DNMT1: variants seen among roughly 807,000 people sequenced by gnomAD.
DNMT1 encodes DNA methyltransferase 1, also known as DNA (cytosine-5)-methyltransferase 1.
In DNMT1, 24 loss-of-function variants were observed where a neutral mutation model predicts 205.3. That is an observed-to-expected ratio of 0.12 (90% CI 0.08 to 0.16). DNMT1 has a LOEUF of 0.16. Ranked by LOEUF, DNMT1 falls within the 10% of genes least tolerant of loss-of-function variation. The pLI is 1.00. For synonymous variants in DNMT1, 817 were observed against 839.8 expected (o/e 0.97, Z 0.47); for missense variants, 1,293 against 2,177.7 (o/e 0.59, Z 8.09).
rs1342978570 is a variant in DNMT1 at position 10,154,143 on chromosome 19, T to C, written c.2019+150A>G. The C allele has an allele frequency of 6.1e-6, 5 of 813,180 alleles. No individual in the cohort carries two copies. The highest frequency in any genetic ancestry group is 8.3e-6 in the Non-Finnish European group (4 of 482,390). 50.4% of individuals were successfully genotyped at this position (813,180 alleles called of 1,614,324 possible). ...TTGACGTTCAATGAAGTATGCAGGGTCCTCCCAGACCACTAACTAATTTCT... is the reference window on the plus strand; with the variant it reads ...TTGACGTTCAATGAAGTATGCAGGGCCCTCCCAGACCACTAACTAATTTCT... On this transcript the variant is annotated intron_variant, in intron 22 of 40. Transcript: ENST00000359526. The surrounding 1 kb of genome is among the most constrained non-coding windows in gnomAD (Gnocchi z 6.3).
intron 27 of DNMT1, among the ~76,000 whole-genome samples, chr19:10,148,086 A>G (rs1449324870): frequency 5.7e-5 from 8 of 141,148 alleles, no homozygotes; most frequent in Non-Finnish European, 1.1e-4. Flanking sequence ...ACTGCACTCC[A>G]GCCTGGGCAA....
chr19:10,149,915 C>T lies in DNMT1; in HGVS notation c.2319G>A (p.Leu773=), dbSNP rs1281929110. 2.5e-6 allele frequency: 4 copies of T among 1,614,194 alleles called. No homozygotes were observed. Among genetic ancestry groups the T allele is most frequent in the Non-Finnish European group, 3.4e-6 (4 of 1,180,036 alleles). ...TAACAGAGACACAGTCCCCCACTTC[C>T]AGGGTTTCCGCATCAATGCACACCT... The part of the protein sequence containing the change: ...YKKVCIDAET[L]EVGDCVSVIP... Residue 773 remains leucine (L), a synonymous_variant, in exon 25 of 41, where the codon CTG becomes CTA. Transcript: ENST00000359526.
Position 10,173,068 on chromosome 19 carries a change from CT to C in DNMT1, c.768+21del, listed in dbSNP as rs746530897. 6.2e-6 allele frequency: 10 copies of C among 1,613,918 alleles called. No individual in the cohort carries two copies. The South Asian group carries it at 1.1e-4, about 18-fold the overall frequency. On this transcript the variant is annotated intron_variant, in intron 9 of 40. Transcript: ENST00000359526. ...ATAGGATTAAGGGAGAATTAACAAA[CT>C]TAGAGGTGATAGAGCTTTACTTTTT...
Position 10,165,086 on chromosome 19 carries a change from C to T in DNMT1, c.891+1512G>A, listed in dbSNP as rs907287814. 5.3e-5 allele frequency among the ~76,000 whole-genome samples: 8 copies of T among 151,596 alleles called. No homozygotes were observed. In the South Asian group the frequency reaches 6.2e-4, roughly 12 times the overall value. On this transcript the variant is annotated intron_variant, in intron 11 of 40. Coordinates refer to ENST00000359526, the MANE Select transcript of DNMT1 (RefSeq NM_001130823.3). ...ACTGAGACCAGCCTGGGCAACATGG[C>T]AAAACCCTATCTCTACAAAAAATTA...
At chr19:10,164,466 A>G (rs1599377624) in intron 11 of DNMT1, among the ~76,000 whole-genome samples, 1 of 152,270 alleles carries the variant, frequency 6.6e-6, no homozygotes, top group Middle Eastern at 3.4e-3. Flanking sequence ...TTTAAAAAGT[A>G]GACATCCATG....
chr19:10,178,919 G>A (rs955697233), intron 5 of DNMT1, among the ~76,000 whole-genome samples: 2 of 151,736 alleles, frequency 1.3e-5, no homozygotes, highest in Non-Finnish European at 2.9e-5. Context: ...GAGGTCAGGA[G>A]ATCGAAATCA....
chr19:10,161,042 C>T (rs113103832), intron 13 of DNMT1, among the ~76,000 whole-genome samples: 12 of 152,054 alleles, frequency 7.9e-5, no homozygotes, highest in African/African-American at 2.4e-4. Context: ...CGCGATGGCT[C>T]ACGCCTGTAA....
intron 25 of DNMT1, 54 bp from the exon 26 acceptor site, chr19:10,149,711 G>A: frequency 6.2e-7 from 1 of 1,610,804 alleles, no homozygotes; most frequent in South Asian, 1.1e-5. Flanking sequence ...CAGCAGATAT[G>A]TGACCAAGTC....
At chr19:10,174,685 TGAAA>T (rs1568249636) in intron 7 of DNMT1, among the ~76,000 whole-genome samples, 1 of 150,162 alleles carries the variant, frequency 6.7e-6, no homozygotes, top group Non-Finnish European at 1.5e-5. Context: ...CCATCCTGAG[TGAAA>T]GAGTGAGACT....
intron 39 of DNMT1, 90 bp from the exon 40 acceptor site, chr19:10,134,397 G>T: frequency 8.2e-7 from 1 of 1,212,798 alleles, no homozygotes; most frequent in Non-Finnish European, 1.2e-6. Context: ...CTCAGATGGA[G>T]GACAACCTGG....
intron 38 of DNMT1, 99 bp downstream of exon 38, chr19:10,136,022 G>A (rs2145253104): frequency 1.3e-6 from 2 of 1,559,162 alleles, no homozygotes; most frequent in Non-Finnish European, 1.7e-6. Flanking sequence ...TGGGGTCCTG[G>A]GGTGCTGTCC....
At chr19:10,176,922 A>G (rs1568251441) in intron 6 of DNMT1, among the ~76,000 whole-genome samples, 1 of 152,188 alleles carries the variant, frequency 6.6e-6, no homozygotes, top group African/African-American at 2.4e-5. Context: ...AAAAGTTGTC[A>G]AAAGAGATCT....
At chr19:10,173,025 G>T (rs1190966303) in intron 9 of DNMT1, 65 bp downstream of exon 9, 2 of 1,589,092 alleles carry the variant, frequency 1.3e-6, no homozygotes, top group Admixed American at 3.3e-5. Flanking sequence ...CCACGTCCTG[G>T]AAGGAAATTG....
At chr19:10,190,675 G>C (rs1191563072) in intron 1 of DNMT1, among the ~76,000 whole-genome samples, 2 of 151,980 alleles carry the variant, frequency 1.3e-5, no homozygotes, top group Non-Finnish European at 2.9e-5. Context: ...TAAGGCAGGA[G>C]AATCACTTGA....
At chr19:10,194,601 C>G (rs1599416421) in intron 1 of DNMT1, 2 of 539,186 alleles carry the variant, frequency 3.7e-6, no homozygotes, top group Non-Finnish European at 6.4e-6. Flanking sequence ...CACCAGGGAG[C>G]TACGGGGGAA....
intron 8 of DNMT1, 121 bp from the exon 9 acceptor site, chr19:10,173,295 G>A: frequency 3.3e-6 from 3 of 913,174 alleles, no homozygotes; most frequent in African/African-American, 3.3e-5. Context: ...AGCCCTGACA[G>A]ACACATACTC....
chr19:10,156,611 T>C lies in DNMT1; in HGVS notation c.1281-102A>G, dbSNP rs905307309. On this transcript the variant is annotated intron_variant, in intron 17 of 40. Coordinates refer to ENST00000359526, the MANE Select transcript of DNMT1 (RefSeq NM_001130823.3). The surrounding 1 kb of genome is among the most constrained non-coding windows in gnomAD (Gnocchi z 4.2). ...GAGGCAATGAGAGAATGTACAAGTC[T>C]GACACTCTTTTTTTGTTTGTTTTTG... 5 of 843,956 alleles carry C rather than the reference T, an allele frequency of 5.9e-6. No homozygotes were observed. The highest frequency in any genetic ancestry group is 1.0e-5 in the Non-Finnish European group (5 of 493,184). The allele number at this position is 843,956 out of a possible 1,614,324, so 52.3% of individuals were successfully genotyped here.
In DNMT1 at chr19:10,151,275, AACAG is replaced by A; in HGVS notation, c.2265+119_2265+122del. ...GCCAGTCCCGCTCTTCTCAGGGGCAAACAGACAGGTTTCTTAGTGCCGGGGCTCA... is the reference window on the plus strand; with the variant it reads ...GCCAGTCCCGCTCTTCTCAGGGGCAAACAGGTTTCTTAGTGCCGGGGCTCA... On this transcript the variant is annotated intron_variant, in intron 24 of 40. Coordinates refer to ENST00000359526, the MANE Select transcript of DNMT1 (RefSeq NM_001130823.3). This position sits in a 1 kb window ranked among gnomAD's most constrained non-coding sequence, Gnocchi z 5.0. 1 of 1,441,852 alleles carries A rather than the reference AACAG, an allele frequency of 6.9e-7. No homozygotes were observed. The highest frequency in any genetic ancestry group is 9.6e-7 in the Non-Finnish European group (1 of 1,040,478). The allele number at this position is 1,441,852 out of a possible 1,614,324, so 89.3% of individuals were successfully genotyped here. A position where few individuals can be genotyped will look rare whatever the true frequency, so the allele number is the denominator to read the frequency against.
intron 9 of DNMT1, among the ~76,000 whole-genome samples, chr19:10,169,905 G>T (rs2038777415): frequency 6.6e-6 from 1 of 152,322 alleles, no homozygotes; most frequent in East Asian, 1.9e-4. Context: ...CGTTAGGACT[G>T]CTTGTTCTGA....
Sources: gnomAD v4.1 joint callset for allele counts (sites outside exome capture counted in the v4.1 genomes callset) on GRCh38, gnomAD v4.1.1 for gene constraint, Gnocchi (gnomAD v3.1) non-coding constraint, MANE v1.5 for transcripts, NCBI Gene and HGNC (gene_info 2026-07-23, HGNC 2026-07-21) for gene names.